ATL3: variants seen among roughly 807,000 people sequenced by gnomAD.
ATL3 encodes the protein atlastin-3.
Under a neutral mutation model 69.5 loss-of-function variants are expected in ATL3, and 49 were observed. The ratio of observed to expected loss-of-function variants is 0.71; its 90% CI spans 0.56 to 0.89. The LOEUF (loss-of-function observed/expected upper bound fraction) is 0.89. ATL3 is among the 40% of genes least tolerant of loss of function. The pLI is 0.00. For synonymous variants in ATL3, 214 were observed against 224.1 expected, an observed-to-expected ratio of 0.95 and a Z score of 0.40; for missense variants, 606 against 645.7, an observed-to-expected ratio of 0.94 and a Z score of 0.67.
In ATL3 at chr11:63,631,457, C is replaced by A. The variant is rs780211814; in HGVS notation, c.1122G>T (p.Glu374Asp). ...GAATGTCTGGAGACAAATAAGGTTT[C>A]TCTCCCCCACAAACCTAAAAAGAAC... ...YNNMEEVCGGEKPYLSPDILE... is the reference protein window; with the variant it reads ...YNNMEEVCGGDKPYLSPDILE... Residue 374 changes from glutamate to aspartate, a missense_variant, in exon 12 of 13, where the codon GAG becomes GAT. Physicochemically the swap from Glu to Asp is conservative, Grantham distance 45. Transcript: ENST00000398868. 3.1e-6 allele frequency: 5 copies of A among 1,603,808 alleles called. No individual in the cohort carries two copies. In the Admixed American group the frequency reaches 8.6e-5, roughly 28 times the overall value.
chr11:63,631,261 TGCTGAAGAC>T lies in ATL3; in HGVS notation c.1309_1317del (p.Val437_Ser439del). 1 of 1,614,218 alleles carries T rather than the reference TGCTGAAGAC, an allele frequency of 6.2e-7. No individual in the cohort carries two copies. The highest frequency in any genetic ancestry group is 8.5e-7 in the Non-Finnish European group (1 of 1,180,032). ...AACAGCACTGCAGGGGTTCGGAAGG[TGCTGAAGAC>T]GTTCTTGCTACCATTGTGCTTGCAG... On this transcript the variant is annotated inframe_deletion, in exon 12 of 13. Coordinates refer to ENST00000398868, the MANE Select transcript of ATL3 (RefSeq NM_015459.5).
Position 63,659,100 on chromosome 11 carries a change from C to T in ATL3, c.199G>A (p.Gly67Ser). Residue 67 changes from glycine to serine, a missense_variant, in exon 2 of 13, where the codon GGT (glycine) becomes AGT (serine). Gly to Ser is a moderately conservative substitution (Grantham distance 56, BLOSUM62 0). Coordinates refer to ENST00000398868, the MANE Select transcript of ATL3 (RefSeq NM_015459.5). ...AAGGACTTGCCCTTTCGGAAGGCAC[C>T]AGCCACTGAAACCACCACCACATCA... ...DLDVVVVSVA[G>S]AFRKGKSFIL... 6.2e-7 allele frequency: 1 copy of T among 1,613,950 alleles called. No homozygotes were observed. Among genetic ancestry groups the T allele is most frequent in the Non-Finnish European group, 8.5e-7 (1 of 1,179,994 alleles).
In ATL3 at chr11:63,631,144, G is replaced by A. The variant is rs766487194; in HGVS notation, c.1435C>T (p.Leu479=). ...CAGGTGAGGAGTGCTATTAACAGTAGTCCAACCATACAGTTGAACAACTGG... is the reference window on the plus strand; with the variant it reads ...CAGGTGAGGAGTGCTATTAACAGTAATCCAACCATACAGTTGAACAACTGG... ...VAQLFNCMVG[L]LLIALLTWGY... The change falls in exon 12 of 13, where the codon CTA becomes TTA. Residue 479 remains leucine, a synonymous_variant. Coordinates refer to ENST00000398868, the MANE Select transcript of ATL3 (RefSeq NM_015459.5). 1 of 1,614,028 alleles carries A rather than the reference G, an allele frequency of 6.2e-7. No individual in the cohort carries two copies. The highest frequency in any genetic ancestry group is 8.5e-7 in the Non-Finnish European group (1 of 1,180,034).
At chr11:63,658,941 A>T in intron 2 of ATL3, 37 bp from the exon 3 acceptor site, 1 of 1,582,510 alleles carries the variant, frequency 6.3e-7, no homozygotes, top group Non-Finnish European at 8.6e-7. Flanking sequence ...ATCTTAAATT[A>T]AAAATTTTAT....
At position 63,625,640 on chromosome 11, in the gene ATL3, C is replaced by G. The variant is rs2134451323; in HGVS notation, c.*3679G>C. ...AATGAAACCAACCACCAGTACAAGG[C>G]AGTATTTTTGTGTGTTTGACCAAAG... On this transcript the variant is annotated 3_prime_UTR_variant, in exon 13 of 13. Transcript: ENST00000398868. The G allele has an allele frequency of 6.6e-6, 1 of 152,252 alleles. No individual in the cohort carries two copies. Among genetic ancestry groups the G allele is most frequent in the African/African-American group, 2.4e-5 (1 of 41,528 alleles). The allele number at this position is 152,252 out of a possible 1,614,324, so 9.4% of individuals were successfully genotyped here.
chr11:63,629,144 T>A lies in ATL3; in HGVS notation c.*175A>T, dbSNP rs970180013. On this transcript the variant is annotated 3_prime_UTR_variant, in exon 13 of 13. Coordinates refer to ENST00000398868, the MANE Select transcript of ATL3 (RefSeq NM_015459.5). Reference sequence around the variant, plus strand: ...TGCTTCCAAGAGAAATGGAAGTGTGTTTAATAATTTGAAACCACAGGAGAG... The same window carrying A: ...TGCTTCCAAGAGAAATGGAAGTGTGATTAATAATTTGAAACCACAGGAGAG... 3 of 584,074 alleles carry A rather than the reference T, an allele frequency of 5.1e-6. No individual in the cohort carries two copies. Among genetic ancestry groups the A allele is most frequent in the African/African-American group, 3.7e-5 (2 of 53,666 alleles). The allele number at this position is 584,074 out of a possible 1,614,324, so 36.2% of individuals were successfully genotyped here.
rs1443853888 is a variant in ATL3 at position 63,627,278 on chromosome 11, A to G, written c.*2041T>C. 6.6e-6 allele frequency: 1 copy of G among 152,228 alleles called. No individual in the cohort carries two copies. The highest frequency in any genetic ancestry group is 1.5e-5 in the Non-Finnish European group (1 of 68,028). The allele number at this position is 152,228 out of a possible 1,614,324, so 9.4% of individuals were successfully genotyped here. A position where few individuals can be genotyped will look rare whatever the true frequency, so the allele number is the denominator to read the frequency against. Reference sequence around the variant, plus strand: ...ACCTGAAAATGCACCAACATTTCAGAAGCAAGCTTTCAAGTTAACAGTCAA... The same window carrying G: ...ACCTGAAAATGCACCAACATTTCAGGAGCAAGCTTTCAAGTTAACAGTCAA... On this transcript the variant is annotated 3_prime_UTR_variant, in exon 13 of 13. Transcript: ENST00000398868.
chr11:63,635,604 C>T lies in ATL3; in HGVS notation c.979-14G>A, dbSNP rs74851651. On this transcript the variant is annotated splice_polypyrimidine_tract_variant and intron_variant, in intron 9 of 12. Coordinates refer to ENST00000398868, the MANE Select transcript of ATL3 (RefSeq NM_015459.5). ...TTTAATATATGCCTTAAAATATAAA[C>T]ATAAAAACTGCTATAAAATGTTATT... is the stretch of plus-strand genomic sequence containing the variant. The T allele has an allele frequency of 4.7e-4, 731 of 1,568,880 alleles. 1 individual carries two copies. Among genetic ancestry groups the T allele is most frequent in the South Asian group, 1.4e-3 (122 of 89,422 alleles).
chr11:63,631,610 T>A, intron 11 of ATL3, 139 bp from the exon 12 acceptor site: 1 of 781,392 alleles, frequency 1.3e-6, no homozygotes, highest in Non-Finnish European at 2.0e-6. Context: ...AAAAGATGAC[T>A]AAGACCAATA....
intron 3 of ATL3, among the ~76,000 whole-genome samples, chr11:63,654,154 T>G (rs1018852435): frequency 3.3e-5 from 5 of 151,568 alleles, no homozygotes; most frequent in Admixed American, 6.6e-5. Context: ...AATTTGTTTT[T>G]TTTTTTTTTT....
rs940785905 is a variant in ATL3, at chr11:63,624,423, C to T, written c.*4896G>A. On this transcript the variant is annotated 3_prime_UTR_variant, in exon 13 of 13. Transcript: ENST00000398868. The stretch of plus-strand genomic sequence containing the variant: ...ACATTTAAACTGTAGTTCTGGCACA[C>T]GAAATTTGCCCCAAAGAAAAATGTC... 13 of 152,130 alleles carry T rather than the reference C, an allele frequency of 8.5e-5. 1 individual carries two copies. The highest frequency in any genetic ancestry group is 2.7e-4 in the African/African-American group (11 of 41,434). The allele number at this position is 152,130 out of a possible 1,614,324, so 9.4% of individuals were successfully genotyped here. A position where few individuals can be genotyped will look rare whatever the true frequency, so the allele number is the denominator to read the frequency against.
intron 1 of ATL3, among the ~76,000 whole-genome samples, chr11:63,663,068 G>A (rs1940469577): frequency 6.6e-6 from 1 of 152,014 alleles, no homozygotes; most frequent in Non-Finnish European, 1.5e-5. Context: ...TACTGGAATT[G>A]CTGCTCACTT....
chr11:63,647,780 T>A (rs948373263), intron 5 of ATL3, among the ~76,000 whole-genome samples: 1 of 152,026 alleles, frequency 6.6e-6, no homozygotes, highest in Non-Finnish European at 1.5e-5. Context: ...AGTAAATAAA[T>A]AAACAGGACA....
chr11:63,659,514 T>C (rs1354541967), intron 1 of ATL3, among the ~76,000 whole-genome samples: 2 of 152,080 alleles, frequency 1.3e-5, no homozygotes, highest in African/African-American at 2.4e-5. Flanking sequence ...TCCTAGCTAC[T>C]TGGGAGGCTG....
chr11:63,657,787 T>C (rs1471788868), intron 3 of ATL3, among the ~76,000 whole-genome samples: 1 of 151,136 alleles, frequency 6.6e-6, no homozygotes, highest in Non-Finnish European at 1.5e-5. Context: ...TAACAGTTCA[T>C]AAAAGACACA....
chr11:63,667,869 G>A (rs766844719), intron 1 of ATL3, among the ~76,000 whole-genome samples: 7 of 151,592 alleles, frequency 4.6e-5, no homozygotes, highest in African/African-American at 7.3e-5. Context: ...GCTATCCTAC[G>A]CACTACAGGC....
intron 5 of ATL3, 117 bp downstream of exon 5, chr11:63,651,819 C>A (rs1281630471): frequency 2.8e-6 from 4 of 1,405,738 alleles, no homozygotes. Context: ...TTACTATGAA[C>A]CAAAAACCTT....
intron 3 of ATL3, among the ~76,000 whole-genome samples, chr11:63,654,127 A>C (rs11231547): frequency 0.02 from 3,004 of 152,230 alleles, 134 homozygotes; most frequent in Admixed American, 0.11. Flanking sequence ...TGAAAACCTA[A>C]AACAAAATAA....
chr11:63,655,430 C>T (rs923377188), intron 3 of ATL3, among the ~76,000 whole-genome samples: 1 of 150,102 alleles, frequency 6.7e-6, no homozygotes, highest in Non-Finnish European at 1.5e-5. Context: ...GGAATACAGG[C>T]GTGAGCCACC....
Sources: allele counts gnomAD v4.1 joint callset (sites outside exome capture counted in the v4.1 genomes callset), GRCh38; gene constraint gnomAD v4.1.1; transcripts MANE v1.5; gene names NCBI Gene and HGNC (gene_info 2026-07-23, HGNC 2026-07-21).